The following DRAXIN variants were observed in gnomAD, a reference collection of about 807,000 sequenced individuals.
The protein encoded by DRAXIN is dorsal repulsive axon guidance protein.
DRAXIN carries 27 observed loss-of-function variants against 33.9 expected under a neutral mutation model. The ratio of observed to expected loss-of-function variants is 0.80; its 90% CI spans 0.59 to 1.10. DRAXIN has a LOEUF of 1.10. Among genes scored for constraint, DRAXIN ranks in the 50% least tolerant of loss-of-function variants. The pLI is 0.00. For synonymous variants in DRAXIN, 178 were observed against 194.0 expected (o/e 0.92, Z 0.69); for missense variants, 371 against 460.8 (o/e 0.81, Z 1.78).
chr1:11,703,959 G>A (rs1051014217), intron 1 of DRAXIN, among the ~76,000 whole-genome samples: 1 of 152,176 alleles, frequency 6.6e-6, no homozygotes, highest in Non-Finnish European at 1.5e-5. Context: ...TGGCTCTGCA[G>A]GGAAGGAGCT....
At chr1:11,697,044 A>T (rs1358109088) in intron 1 of DRAXIN, among the ~76,000 whole-genome samples, 11 of 8,784 alleles carry the variant, frequency 1.3e-3, no homozygotes, top group Middle Eastern at 0.062. Context: ...TTAATAATTA[A>T]AAAAAAAAAA....
rs1448619368 is a variant in DRAXIN, at chr1:11,709,438, C to T, written c.615C>T (p.Ile205=). ...CACCTGCCACAGAAGAGTCCCTGAT[C>T]CTGCCCGTCACCTCCCTGCGGCCCC... ...EAAPATEESL[I]LPVTSLRPQQ... is the part of the protein sequence containing the mutation. Residue 205 remains isoleucine (I), a synonymous_variant, in exon 3 of 7, where the codon ATC becomes ATT. Coordinates refer to ENST00000294485, the MANE Select transcript of DRAXIN (RefSeq NM_198545.4). 6.2e-7 allele frequency: 1 copy of T among 1,613,782 alleles called. No homozygotes were observed. The highest frequency in any genetic ancestry group is 8.5e-7 in the Non-Finnish European group (1 of 1,179,896).
In DRAXIN at chr1:11,711,850, G is replaced by C. The variant is rs147444302; in HGVS notation, c.643-1G>C. The C allele has an allele frequency of 1.2e-4, 198 of 1,611,858 alleles. No homozygotes were observed. Among genetic ancestry groups the C allele is most frequent in the Non-Finnish European group, 1.6e-4 (188 of 1,179,034 alleles). ...ACATCCCCCTTCTCCACGGTCTCCAGCAGGCACAGCCCAGGTCTGACGGGG... is the reference window on the plus strand; with the variant it reads ...ACATCCCCCTTCTCCACGGTCTCCACCAGGCACAGCCCAGGTCTGACGGGG... On this transcript the variant is annotated splice_acceptor_variant, in intron 3 of 6. Coordinates refer to ENST00000294485, the MANE Select transcript of DRAXIN (RefSeq NM_198545.4). LOFTEE classifies it high-confidence loss of function.
intron 5 of DRAXIN, among the ~76,000 whole-genome samples, chr1:11,714,320 C>T (rs1011095389): frequency 2.0e-5 from 3 of 152,186 alleles, no homozygotes; most frequent in African/African-American, 4.8e-5. Flanking sequence ...CATCATGCAC[C>T]GGATGGGCGC....
intron 6 of DRAXIN, 96 bp downstream of exon 6, chr1:11,715,304 C>G (rs1641558973): frequency 6.8e-6 from 10 of 1,477,722 alleles, no homozygotes; most frequent in Non-Finnish European, 9.4e-6. Flanking sequence ...GGGGAACAAG[C>G]TTTCCTGGCA....
Position 11,719,770 on chromosome 1 carries a change from G to A in DRAXIN, c.*74G>A. ...GCGATTTGTTTGTAACTAGCAGTGG[G>A]AGATCAAGTTGGGGAACAGATGGCT... On this transcript the variant is annotated 3_prime_UTR_variant, in exon 7 of 7. Transcript: ENST00000294485. The A allele has an allele frequency of 7.6e-7, 1 of 1,319,188 alleles. No homozygotes were observed. The highest frequency in any genetic ancestry group is 1.1e-6 in the Non-Finnish European group (1 of 930,454). The allele number at this position is 1,319,188 out of a possible 1,614,324, so 81.7% of individuals were successfully genotyped here.
chr1:11,715,761 AC>A (rs913969234), intron 6 of DRAXIN, among the ~76,000 whole-genome samples: 12 of 151,924 alleles, frequency 7.9e-5, no homozygotes, highest in Non-Finnish European at 1.0e-4. Context: ...CCCCATGACC[AC>A]CCCTAGAAAG....
At position 11,704,561 on chromosome 1, in the gene DRAXIN, G is replaced by A. The variant is rs930885314; in HGVS notation, c.-10-1688G>A. The stretch of plus-strand genomic sequence containing the variant: ...TTGTTAGGGAAGGGCTGGAGGCAAG[G>A]CCAGTGGGACAGAGCCTTCCGTTGC... On this transcript the variant is annotated intron_variant, in intron 1 of 6. Transcript: ENST00000294485. This position sits in a 1 kb window ranked among gnomAD's most constrained non-coding sequence, Gnocchi z 4.6. Among the ~76,000 whole-genome samples, 5 of 152,216 alleles carry A rather than the reference G, an allele frequency of 3.3e-5. No individual in the cohort carries two copies. Among genetic ancestry groups the A allele is most frequent in the African/African-American group, 9.6e-5 (4 of 41,454 alleles).
In DRAXIN at chr1:11,706,934, C is replaced by T. The variant is rs1176777455; in HGVS notation, c.451+225C>T. Among the ~76,000 whole-genome samples the T allele has an allele frequency of 6.6e-6, 1 of 152,198 alleles. No homozygotes were observed. The highest frequency in any genetic ancestry group is 1.5e-5 in the Non-Finnish European group (1 of 68,036). On this transcript the variant is annotated intron_variant, in intron 2 of 6. Transcript: ENST00000294485. This position sits in a 1 kb window ranked among gnomAD's most constrained non-coding sequence, Gnocchi z 5.5. ...TGCAATACAATCTGTCTTATCGCGGCCCGGTGCCGTGGCTCACGCTTGTAA... is the reference window on the plus strand; with the variant it reads ...TGCAATACAATCTGTCTTATCGCGGTCCGGTGCCGTGGCTCACGCTTGTAA...
At chr1:11,719,530 G>A in intron 6 of DRAXIN, 54 bp from the exon 7 acceptor site, 1 of 1,488,564 alleles carries the variant, frequency 6.7e-7, no homozygotes, top group South Asian at 1.2e-5. Flanking sequence ...GGGGAAGGAA[G>A]GGGAGGGCAC....
Position 11,709,306 on chromosome 1 carries a change from G to C in DRAXIN, c.483G>C (p.Leu161=), listed in dbSNP as rs138148664. Residue 161 remains leucine, a synonymous_variant, in exon 3 of 7, where the codon CTG becomes CTC. Transcript: ENST00000294485. ...GRALVRGPSS[L]MKKAELSEAQ... ...CCTTGGTCCGAGGTCCCAGCTCCCTGATGAAGAAGGCAGAGCTCTCCGAAG... is the reference window on the plus strand; with the variant it reads ...CCTTGGTCCGAGGTCCCAGCTCCCTCATGAAGAAGGCAGAGCTCTCCGAAG... 1 of 1,613,492 alleles carries C rather than the reference G, an allele frequency of 6.2e-7. No homozygotes were observed. Among genetic ancestry groups the C allele is most frequent in the Non-Finnish European group, 8.5e-7 (1 of 1,179,744 alleles).
At chr1:11,689,924 C>A (rs1263876550), upstream of DRAXIN, among the ~76,000 whole-genome samples, 1 of 151,882 alleles carries the variant, frequency 6.6e-6, no homozygotes, top group African/African-American at 2.4e-5. Context: ...ACCAAACACA[C>A]CAAGCACACT....
At position 11,706,649 on chromosome 1, in the gene DRAXIN, A is replaced by G; in HGVS notation, c.391A>G (p.Arg131Gly). ...GGAGAACCGACCTCCAGGTTGGGAG[A>G]GGACCAGGAAACGCAGCAGGGAGCA... Reference protein sequence around the residue: ...EKENRPPGWERTRKRSREHKR... With the variant: ...EKENRPPGWEGTRKRSREHKR... The change falls in exon 2 of 7, where the codon AGG becomes GGG. Residue 131 changes from arginine to glycine, a missense_variant. Coordinates refer to ENST00000294485, the MANE Select transcript of DRAXIN (RefSeq NM_198545.4). The surrounding 1 kb of genome is among the most constrained non-coding windows in gnomAD (Gnocchi z 5.5). 1 of 1,598,788 alleles carries G rather than the reference A, an allele frequency of 6.3e-7. No homozygotes were observed.
Position 11,720,258 on chromosome 1 carries a change from C to T in DRAXIN, c.*562C>T, listed in dbSNP as rs1641641584. ...CCCAGGGTCCCAGGTCAGTGCTCCT[C>T]AAACCTGAACATGCTAAGAGTCACC... On this transcript the variant is annotated 3_prime_UTR_variant, in exon 7 of 7. Coordinates refer to ENST00000294485, the MANE Select transcript of DRAXIN (RefSeq NM_198545.4). 1 of 154,072 alleles carries T rather than the reference C, an allele frequency of 6.5e-6. No individual in the cohort carries two copies. The highest frequency in any genetic ancestry group is 2.4e-5 in the African/African-American group (1 of 41,460). The allele number at this position is 154,072 out of a possible 1,614,324, so 9.5% of individuals were successfully genotyped here.
In DRAXIN at chr1:11,692,477, C is replaced by G. The variant is rs113934940; in HGVS notation, c.-11+624C>G. On this transcript the variant is annotated intron_variant, in intron 1 of 6. Transcript: ENST00000294485. This position sits in a 1 kb window ranked among gnomAD's most constrained non-coding sequence, Gnocchi z 5.8. ...GCCCAGGAAGGTACTCAGCCTGGCT[C>G]CCCCGACGGCGCTGGTCTTTCGCCT... Among the ~76,000 whole-genome samples the G allele has an allele frequency of 1.3e-3, 200 of 152,326 alleles. No individual in the cohort carries two copies. Among genetic ancestry groups the G allele is most frequent in the African/African-American group, 4.6e-3 (192 of 41,586 alleles).
In DRAXIN at chr1:11,723,329, A is replaced by G. The variant is rs899632265; in HGVS notation, c.*3633A>G. ...ACATTCACAGGCCTGGGGCCCACCCACAAAGCTTCTGTTTTGTTTGGTCTG... is the reference window on the plus strand; with the variant it reads ...ACATTCACAGGCCTGGGGCCCACCCGCAAAGCTTCTGTTTTGTTTGGTCTG... On this transcript the variant is annotated 3_prime_UTR_variant, in exon 7 of 7. Transcript: ENST00000294485. 6.6e-6 allele frequency: 1 copy of G among 152,166 alleles called. No individual in the cohort carries two copies. The highest frequency in any genetic ancestry group is 6.6e-5 in the Admixed American group (1 of 15,254). 9.4% of individuals were successfully genotyped at this position (152,166 alleles called of 1,614,324 possible).
At chr1:11,687,364 C>T (rs564962409), upstream of DRAXIN, among the ~76,000 whole-genome samples, 261 of 152,308 alleles carry the variant, frequency 1.7e-3, 1 homozygote, top group Non-Finnish European at 3.2e-3. This position sits in a 1 kb window ranked among gnomAD's most constrained non-coding sequence, Gnocchi z 4.1. Flanking sequence ...CTCAGCCTCC[C>T]GAGTAGCTGG....
At chr1:11,700,882 A>C (rs897558124) in intron 1 of DRAXIN, among the ~76,000 whole-genome samples, 2 of 152,220 alleles carry the variant, frequency 1.3e-5, no homozygotes, top group Non-Finnish European at 2.9e-5. Flanking sequence ...CTGGTCCGAC[A>C]GCTGTCCCGA....
In DRAXIN at chr1:11,703,049, A is replaced by C. The variant is rs373796383; in HGVS notation, c.-10-3200A>C. Among the ~76,000 whole-genome samples, 90 of 152,294 alleles carry C rather than the reference A, an allele frequency of 5.9e-4. 1 individual carries two copies. In the South Asian group the frequency reaches 0.018, roughly 31 times the overall value. On this transcript the variant is annotated intron_variant, in intron 1 of 6. Transcript: ENST00000294485. ...TGAGCAACTGTGCCCGGCCTGATAC[A>C]TAAATTGGATTGTGCTCAATCCACT...
Sources: allele counts gnomAD v4.1 joint callset (sites outside exome capture counted in the v4.1 genomes callset), GRCh38; gene constraint gnomAD v4.1.1; non-coding constraint Gnocchi (gnomAD v3.1); transcripts MANE v1.5; gene names NCBI Gene and HGNC (gene_info 2026-07-23, HGNC 2026-07-21).